REDIC1: variants seen among roughly 807,000 people sequenced by gnomAD.
REDIC1 encodes HEI10 Interacting Protein 1.
At chr12:39,830,368 A>G in the REDIC1 span, 2 of 1,430,960 alleles carry the variant, frequency 1.4e-6, no homozygotes, top group Non-Finnish European at 9.1e-7. Context: ...GGCCAAGGAA[A>G]GTGACATGCG....
the REDIC1 span, among the ~76,000 whole-genome samples, chr12:39,784,355 T>C: frequency 1.3e-5 from 2 of 152,278 alleles, no homozygotes; most frequent in Non-Finnish European, 2.9e-5. Context: ...CAAAACAGCA[T>C]GGTACTGGTA....
chr12:39,747,560 C>G, the REDIC1 span, among the ~76,000 whole-genome samples: 1 of 152,138 alleles, frequency 6.6e-6, no homozygotes, highest in African/African-American at 2.4e-5. Context: ...CATTCAAATT[C>G]AGGAAATACA....
chr12:39,820,025 C>A, the REDIC1 span: 6 of 151,946 alleles, frequency 3.9e-5, no homozygotes, highest in African/African-American at 1.5e-4. Flanking sequence ...TCCAACCTAC[C>A]AATAATTAAA....
the REDIC1 span, among the ~76,000 whole-genome samples, chr12:39,861,550 T>C: frequency 6.6e-6 from 1 of 152,232 alleles, no homozygotes; most frequent in African/African-American, 2.4e-5. Context: ...TAGGAAAGGT[T>C]TGATTCCTCA....
At chr12:39,768,027 T>C in the REDIC1 span, among the ~76,000 whole-genome samples, 1 of 152,086 alleles carries the variant, frequency 6.6e-6, no homozygotes, top group Admixed American at 6.6e-5. Flanking sequence ...ATACATCACC[T>C]TTATTAGTTA....
chr12:39,791,278 G>A, the REDIC1 span, among the ~76,000 whole-genome samples: 1 of 125,736 alleles, frequency 8.0e-6, no homozygotes, highest in Admixed American at 8.5e-5. Flanking sequence ...TACTGAATGG[G>A]CAAAAACTGG....
At chr12:39,760,128 T>A in the REDIC1 span, 3 of 1,613,018 alleles carry the variant, frequency 1.9e-6, no homozygotes, top group Non-Finnish European at 2.5e-6. Context: ...AAGTGCCACA[T>A]GTACATAGCC....
At chr12:39,802,548 C>A in the REDIC1 span, among the ~76,000 whole-genome samples, 1 of 152,126 alleles carries the variant, frequency 6.6e-6, no homozygotes, top group African/African-American at 2.4e-5. Flanking sequence ...GGTGTACAAG[C>A]AGAGATACCC....
the REDIC1 span, among the ~76,000 whole-genome samples, chr12:39,694,136 A>AT: frequency 1.3e-5 from 2 of 151,870 alleles, no homozygotes; most frequent in Admixed American, 6.6e-5. Context: ...GGGTTTTGGC[A>AT]TTTTTTTTCT....
At chr12:39,720,851 C>T in the REDIC1 span, 4 of 1,612,732 alleles carry the variant, frequency 2.5e-6, no homozygotes, top group Non-Finnish European at 3.4e-6. Flanking sequence ...ACCATCAAAA[C>T]CAAGGAAAAA....
At chr12:39,756,045 A>G in the REDIC1 span, 1 of 151,970 alleles carries the variant, frequency 6.6e-6, no homozygotes, top group Non-Finnish European at 1.5e-5. Flanking sequence ...CACCTAGAAG[A>G]GCTGAATGTA....
the REDIC1 span, among the ~76,000 whole-genome samples, chr12:39,768,377 C>A: frequency 6.6e-6 from 1 of 152,026 alleles, no homozygotes. Context: ...TTTTAATATC[C>A]TTTAAGAATT....
At chr12:39,727,631 T>C in the REDIC1 span, among the ~76,000 whole-genome samples, 1 of 127,268 alleles carries the variant, frequency 7.9e-6, no homozygotes, top group African/African-American at 2.7e-5. Flanking sequence ...ATATGAAATT[T>C]AGCTTTTTCT....
chr12:39,848,651 G>C, the REDIC1 span, among the ~76,000 whole-genome samples: 4 of 152,100 alleles, frequency 2.6e-5, no homozygotes, highest in Non-Finnish European at 5.9e-5. Flanking sequence ...ACTACCATTT[G>C]ACCCAGCTCC....
the REDIC1 span, chr12:39,746,083 G>T: frequency 0.82 from 125,103 of 152,202 alleles, 51,602 homozygotes; most frequent in Non-Finnish European, 0.84. Flanking sequence ...ATCGGACAGT[G>T]GGGGGCAGGA....
At chr12:39,662,004 A>G in the REDIC1 span, among the ~76,000 whole-genome samples, 1 of 151,996 alleles carries the variant, frequency 6.6e-6, no homozygotes, top group Non-Finnish European at 1.5e-5. Flanking sequence ...TCATTGGTCC[A>G]TGTGCCTGTT....
At chr12:39,666,587 A>T in the REDIC1 span, among the ~76,000 whole-genome samples, 1 of 152,202 alleles carries the variant, frequency 6.6e-6, no homozygotes, top group East Asian at 1.9e-4. Flanking sequence ...TCATAAAATG[A>T]GTTAGGGAGG....
chr12:39,754,378 T>A, the REDIC1 span: 2 of 152,124 alleles, frequency 1.3e-5, no homozygotes, highest in African/African-American at 4.8e-5. Context: ...TCAAGGGTCA[T>A]TTGACTTGGA....
At chr12:39,790,459 A>G in the REDIC1 span, among the ~76,000 whole-genome samples, 2 of 148,728 alleles carry the variant, frequency 1.3e-5, no homozygotes, top group Non-Finnish European at 3.0e-5. Context: ...TATGAGTGAG[A>G]ATATGCGGTG....
Sources: allele counts gnomAD v4.1 joint callset (sites outside exome capture counted in the v4.1 genomes callset), GRCh38; gene constraint gnomAD v4.1.1; transcripts MANE v1.5; gene names NCBI Gene and HGNC (gene_info 2026-07-23, HGNC 2026-07-21).